The following ATP9B variants were observed in gnomAD, a reference collection of about 807,000 sequenced individuals.
ATP9B encodes probable phospholipid-transporting ATPase IIB.
ATP9B carries 110 observed loss-of-function variants against 146.1 expected under a neutral mutation model. The observed-to-expected ratio is 0.75, with a 90% CI of 0.65 to 0.88. ATP9B has a LOEUF of 0.88. Among genes scored for constraint, ATP9B ranks in the 40% least tolerant of loss-of-function variants. ATP9B has a pLI of 0.00. For missense variants in ATP9B, 1,499 were observed against 1,496.4 expected, an observed-to-expected ratio of 1.00 and a Z score of -0.03; for synonymous variants, 604 against 569.7, an observed-to-expected ratio of 1.06 and a Z score of -0.86.
chr18:79,235,985 G>GC (rs1200902668), intron 11 of ATP9B, among the ~76,000 whole-genome samples: 11 of 152,090 alleles, frequency 7.2e-5, no homozygotes, highest in South Asian at 2.1e-4. Context: ...GGTGCAGTCT[G>GC]CATGCCTCCT....
intron 11 of ATP9B, among the ~76,000 whole-genome samples, chr18:79,248,075 C>A (rs1014024079): frequency 6.6e-6 from 1 of 152,110 alleles, no homozygotes; most frequent in Non-Finnish European, 1.5e-5. Flanking sequence ...CCAAAAGAAA[C>A]CCTTCTTATT....
Position 79,336,643 on chromosome 18 carries a change from C to G in ATP9B, c.2044C>G (p.Arg682Gly). 2 of 1,611,572 alleles carry G rather than the reference C, an allele frequency of 1.2e-6. No homozygotes were observed. Among genetic ancestry groups the G allele is most frequent in the Middle Eastern group, 1.6e-4 (1 of 6,062 alleles). Residue 682 changes from arginine (R) to glycine (G), a missense_variant, in exon 18 of 30, where the codon CGC (arginine) becomes GGC (glycine). Arg to Gly is a moderately radical substitution (Grantham distance 125). Transcript: ENST00000426216. ...WLEEECGNMA[R>G]EGLRTLVVAK... ...CCTTTTCCAGTGCGGAAACATGGCT[C>G]GCGAAGGACTGCGGACCCTCGTGGT...
intron 29 of ATP9B, chr18:79,376,245 T>A (rs1389866487): frequency 1.0e-6 from 1 of 965,116 alleles, no homozygotes; most frequent in Non-Finnish European, 1.2e-6. Context: ...CTAGCCTAGA[T>A]CGTCCAAACA....
intron 11 of ATP9B, among the ~76,000 whole-genome samples, chr18:79,238,693 G>A (rs369363941): frequency 2.6e-5 from 4 of 152,308 alleles, no homozygotes; most frequent in South Asian, 2.1e-4. Flanking sequence ...TGGATTTCAC[G>A]CTTCCTGTCT....
rs747544691 is a variant in ATP9B, at chr18:79,157,581, G to A, written c.778+3026G>A. ...AATTATTATTAATTCTTTGTTAAGC[G>A]TTTGATAGAATTCGCCCATGAAACC... is the stretch of plus-strand genomic sequence containing the variant. On this transcript the variant is annotated intron_variant, in intron 7 of 29. Transcript: ENST00000426216. 7.2e-5 allele frequency among the ~76,000 whole-genome samples: 11 copies of A among 152,144 alleles called. 1 individual carries two copies. Among genetic ancestry groups the A allele is most frequent in the East Asian group, 5.8e-4 (3 of 5,184 alleles).
chr18:79,348,040 G>A, intron 24 of ATP9B, 92 bp from the exon 25 acceptor site: 1 of 1,602,512 alleles, frequency 6.2e-7, no homozygotes, highest in South Asian at 1.1e-5. Context: ...TACCTGGGCT[G>A]TGCTTAGGAG....
intron 13 of ATP9B, among the ~76,000 whole-genome samples, chr18:79,283,923 A>G (rs150819594): frequency 4.9e-4 from 74 of 152,332 alleles, no homozygotes; most frequent in African/African-American, 1.7e-3. Flanking sequence ...GGTGCAGCCT[A>G]TTAAAGCAAT....
chr18:79,116,940 T>TAAAAAAAAAAAAAAA (rs377608135), intron 4 of ATP9B, among the ~76,000 whole-genome samples: 1 of 106,802 alleles, frequency 9.4e-6, no homozygotes, highest in Non-Finnish European at 1.9e-5. Flanking sequence ...AAAAAAAAAT[T>TAAAAAAAAAAAAAAA]AAAAAAAAAA....
intron 2 of ATP9B, among the ~76,000 whole-genome samples, chr18:79,109,240 T>C (rs1380885970): frequency 6.6e-6 from 1 of 152,216 alleles, no homozygotes; most frequent in Non-Finnish European, 1.5e-5. Flanking sequence ...TTTTGAAAAT[T>C]TAAATTAAAC....
chr18:79,136,588 C>G (rs965312963), intron 5 of ATP9B, among the ~76,000 whole-genome samples: 1 of 152,098 alleles, frequency 6.6e-6, no homozygotes, highest in African/African-American at 2.4e-5. Flanking sequence ...CTGTATTAGA[C>G]TGTTTGAGGT....
At chr18:79,084,671 A>G (rs1337030633) in intron 1 of ATP9B, among the ~76,000 whole-genome samples, 1 of 152,238 alleles carries the variant, frequency 6.6e-6, no homozygotes, top group Admixed American at 6.5e-5. Flanking sequence ...TGAGCTTTAC[A>G]TCGCTTTGTG....
chr18:79,359,573 C>T (rs533930512), intron 26 of ATP9B, 111 bp downstream of exon 26: 20 of 794,252 alleles, frequency 2.5e-5, no homozygotes, highest in Admixed American at 1.6e-4. Context: ...TTGTGAAAAA[C>T]GATTCTCTGT....
intron 11 of ATP9B, among the ~76,000 whole-genome samples, chr18:79,243,399 T>C (rs1287521216): frequency 1.3e-5 from 2 of 152,270 alleles, no homozygotes. Context: ...TCAAGACAGC[T>C]AATGGCTCTT....
At chr18:79,290,547 T>C (rs968330825) in intron 13 of ATP9B, among the ~76,000 whole-genome samples, 19 of 152,214 alleles carry the variant, frequency 1.2e-4, no homozygotes, top group African/African-American at 4.3e-4. Context: ...GAAAGGGAAC[T>C]CCCTGACCCT....
chr18:79,157,413 A>AAACAAACAAAC (rs1184288780), intron 7 of ATP9B, among the ~76,000 whole-genome samples: 59 of 150,262 alleles, frequency 3.9e-4, no homozygotes, highest in East Asian at 1.8e-3. Context: ...AAAAAAAAAA[A>AAACAAACAAAC]AAAAAAAAAA....
chr18:79,371,699 A>G, intron 26 of ATP9B, among the ~76,000 whole-genome samples: 1 of 152,208 alleles, frequency 6.6e-6, no homozygotes, highest in East Asian at 1.9e-4. Flanking sequence ...GCAGGTTCAG[A>G]CAGGCCCTGA....
intron 12 of ATP9B, among the ~76,000 whole-genome samples, chr18:79,261,658 G>A (rs1030408769): frequency 6.6e-6 from 1 of 152,142 alleles, no homozygotes; most frequent in African/African-American, 2.4e-5. Context: ...GCATCTTTAA[G>A]AAACCAGTAC....
intron 6 of ATP9B, among the ~76,000 whole-genome samples, chr18:79,148,964 T>C (rs1456676377): frequency 1.3e-5 from 2 of 152,212 alleles, no homozygotes; most frequent in Non-Finnish European, 2.9e-5. Flanking sequence ...ACTCTTACAG[T>C]CATTGCTATG....
At chr18:79,365,510 C>T (rs776193785) in intron 26 of ATP9B, among the ~76,000 whole-genome samples, 2 of 152,224 alleles carry the variant, frequency 1.3e-5, no homozygotes, top group Non-Finnish European at 2.9e-5. Flanking sequence ...AGGTATTTCT[C>T]CAAGAGAAAT....
Sources: allele counts gnomAD v4.1 joint callset (sites outside exome capture counted in the v4.1 genomes callset), GRCh38; gene constraint gnomAD v4.1.1; transcripts MANE v1.5; gene names NCBI Gene and HGNC (gene_info 2026-07-23, HGNC 2026-07-21).